Variants in DENND11 observed in about 807,000 individuals in gnomAD.
The protein encoded by DENND11 is DENN domain-containing protein 11.
A neutral mutation model predicts 49.2 loss-of-function variants in DENND11; 34 were observed. The ratio of observed to expected loss-of-function variants is 0.69; its 90% CI spans 0.53 to 0.92. The LOEUF is 0.92. Among genes scored for constraint, DENND11 ranks in the 40% least tolerant of loss-of-function variants. DENND11 has a pLI of 0.00. For missense variants in DENND11, 475 were observed against 581.6 expected, an observed-to-expected ratio of 0.82 and a Z score of 1.88; for synonymous variants, 238 against 230.3, an observed-to-expected ratio of 1.03 and a Z score of -0.30.
intron 3 of DENND11, among the ~76,000 whole-genome samples, chr7:141,674,735 C>G (rs1368477037): frequency 6.6e-6 from 1 of 152,152 alleles, no homozygotes; most frequent in East Asian, 1.9e-4. Flanking sequence ...TGGATGTCAT[C>G]AGGGCTCATA....
rs567877646 is a variant in DENND11, at chr7:141,672,944, G to A, written c.681+1123C>T. ...TACTTATTAGGATTCAAGCTCCAGGGTCTACTATTTAAAGCTCTCTACAAT... is the reference window on the plus strand; with the variant it reads ...TACTTATTAGGATTCAAGCTCCAGGATCTACTATTTAAAGCTCTCTACAAT... On this transcript the variant is annotated intron_variant, in intron 4 of 8. Transcript: ENST00000536163. 1.4e-3 allele frequency among the ~76,000 whole-genome samples: 218 copies of A among 152,216 alleles called. 1 individual carries two copies. Among genetic ancestry groups the A allele is most frequent in the African/African-American group, 5.0e-3 (206 of 41,518 alleles).
At chr7:141,666,202 T>A in intron 5 of DENND11, 85 bp downstream of exon 5, 1 of 1,444,712 alleles carries the variant, frequency 6.9e-7, no homozygotes, top group Non-Finnish European at 9.3e-7. Context: ...CCCAAGCTCT[T>A]CCAAACTTGG....
chr7:141,684,409 C>T (rs967766952), intron 3 of DENND11, among the ~76,000 whole-genome samples: 1 of 152,134 alleles, frequency 6.6e-6, no homozygotes, highest in African/African-American at 2.4e-5. Context: ...ATTTCATTAA[C>T]ACAGCCTGCT....
At chr7:141,698,648 C>T (rs73171620) in intron 1 of DENND11, among the ~76,000 whole-genome samples, 12,119 of 152,198 alleles carry the variant, frequency 0.08, 636 homozygotes, top group South Asian at 0.27. Context: ...CCTAGCTTTC[C>T]AAAACTTGTA....
In DENND11 at chr7:141,659,813, GTCA is replaced by G. The variant is rs1292743409; in HGVS notation, c.*2840_*2842del. ...CCAACCCTCCTCCAGGAGGCCGGTG[GTCA>G]TCATAATGCCCGCCCCTAAAGAGCT... is the stretch of plus-strand genomic sequence containing the variant. On this transcript the variant is annotated 3_prime_UTR_variant, in exon 9 of 9. Transcript: ENST00000536163. 2 of 152,252 alleles carry G rather than the reference GTCA, an allele frequency of 1.3e-5. No homozygotes were observed. The highest frequency in any genetic ancestry group is 2.9e-5 in the Non-Finnish European group (2 of 68,070). The allele number at this position is 152,252 out of a possible 1,614,324, so 9.4% of individuals were successfully genotyped here.
chr7:141,682,274 G>A (rs1798159268), intron 3 of DENND11, among the ~76,000 whole-genome samples: 1 of 152,166 alleles, frequency 6.6e-6, no homozygotes, highest in Non-Finnish European at 1.5e-5. Context: ...CTCTACAAGG[G>A]GGAAGAAGAG....
Position 141,701,898 on chromosome 7 carries a change from C to T in DENND11, c.256G>A (p.Asp86Asn). The change falls in exon 1 of 9, where the codon GAC (aspartate) becomes AAC (asparagine). Residue 86 changes from aspartate to asparagine, a missense_variant. Physicochemically the swap from Asp to Asn is conservative, Grantham distance 23 (BLOSUM62 1). Coordinates refer to ENST00000536163, the MANE Select transcript of DENND11 (RefSeq NM_001080392.2). The part of the protein sequence containing the change: ...QVVAVFVVTF[D>N]PRSGNMVEWC... Reference sequence around the variant, plus strand: ...GCGCGGCCCTCACCCGAGCGGGGGTCGAAGGTGACCACGAACACGGCCACC... The same window carrying T: ...GCGCGGCCCTCACCCGAGCGGGGGTTGAAGGTGACCACGAACACGGCCACC... 3 of 1,210,124 alleles carry T rather than the reference C, an allele frequency of 2.5e-6. No homozygotes were observed. The highest frequency in any genetic ancestry group is 3.1e-6 in the Non-Finnish European group (3 of 974,408). The allele number at this position is 1,210,124 out of a possible 1,614,324, so 75.0% of individuals were successfully genotyped here.
chr7:141,685,762 C>T lies in DENND11; in HGVS notation c.369-126G>A, dbSNP rs184935333. 34 of 1,022,858 alleles carry T rather than the reference C, an allele frequency of 3.3e-5. 1 individual carries two copies. The highest frequency in any genetic ancestry group is 2.3e-4 in the Middle Eastern group (1 of 4,384). The allele number at this position is 1,022,858 out of a possible 1,614,324, so 63.4% of individuals were successfully genotyped here. A position where few individuals can be genotyped will look rare whatever the true frequency, so the allele number is the denominator to read the frequency against. The stretch of plus-strand genomic sequence containing the variant: ...CAAAGCTCAGCCTCAAGAAAACAAG[C>T]GGGCCAAGCCACATGACCTCACTGA... On this transcript the variant is annotated intron_variant, in intron 2 of 8. Transcript: ENST00000536163.
chr7:141,663,819 G>A (rs1020824379), intron 8 of DENND11: 22 of 240,846 alleles, frequency 9.1e-5, no homozygotes, highest in African/African-American at 2.7e-4. Context: ...AATATTCAGC[G>A]CAAGGAACTA....
chr7:141,674,007 A>G (rs1010165078), intron 4 of DENND11, 60 bp downstream of exon 4: 1 of 1,542,362 alleles, frequency 6.5e-7, no homozygotes, highest in Non-Finnish European at 8.8e-7. Flanking sequence ...AAAGTAATCA[A>G]CAGCTACTAT....
intron 1 of DENND11, among the ~76,000 whole-genome samples, chr7:141,690,030 G>A (rs911772639): frequency 1.1e-4 from 17 of 152,150 alleles, no homozygotes; most frequent in African/African-American, 4.1e-4. Context: ...GACCTGGTTG[G>A]GCTGAACTAT....
At chr7:141,671,345 T>C (rs1797976353) in intron 4 of DENND11, among the ~76,000 whole-genome samples, 1 of 152,038 alleles carries the variant, frequency 6.6e-6, no homozygotes, top group Admixed American at 6.5e-5. Context: ...CCTAGCTAAT[T>C]TTTGTATTTT....
chr7:141,690,345 G>C (rs74951158), intron 1 of DENND11, among the ~76,000 whole-genome samples: 1 of 152,092 alleles, frequency 6.6e-6, no homozygotes, highest in African/African-American at 2.4e-5. Flanking sequence ...AGCCTGATCC[G>C]CGTTCCCACC....
At chr7:141,688,944 C>T (rs1204811646) in intron 1 of DENND11, among the ~76,000 whole-genome samples, 1 of 152,132 alleles carries the variant, frequency 6.6e-6, no homozygotes, top group Non-Finnish European at 1.5e-5. Flanking sequence ...CAATGACCCT[C>T]GATAGGCTCT....
chr7:141,692,608 C>T (rs978997617), intron 1 of DENND11, among the ~76,000 whole-genome samples: 2 of 152,070 alleles, frequency 1.3e-5, no homozygotes, highest in African/African-American at 4.8e-5. Context: ...CTACTTTACC[C>T]CTTTCACAAA....
At chr7:141,690,714 T>C (rs1176269172) in intron 1 of DENND11, among the ~76,000 whole-genome samples, 1 of 152,190 alleles carries the variant, frequency 6.6e-6, no homozygotes, top group Non-Finnish European at 1.5e-5. Context: ...TTCCCAAGCT[T>C]AGGTTAATAG....
intron 5 of DENND11, among the ~76,000 whole-genome samples, chr7:141,665,691 C>G (rs17162391): frequency 0.11 from 17,412 of 152,020 alleles, 1,386 homozygotes; most frequent in East Asian, 0.35. Context: ...ACTTCCTGTG[C>G]CTGGAACACC....
At chr7:141,689,119 T>C (rs1244860740) in intron 1 of DENND11, among the ~76,000 whole-genome samples, 1 of 152,240 alleles carries the variant, frequency 6.6e-6, no homozygotes, top group Non-Finnish European at 1.5e-5. Flanking sequence ...CCAAATGTTA[T>C]ATTGAAGTAT....
At position 141,657,716 on chromosome 7, in the gene DENND11, A is replaced by C. The variant is rs1157559469; in HGVS notation, c.*4940T>G. The stretch of plus-strand genomic sequence containing the variant: ...CTAAAAGCCCCACAGTATGCTAAAA[A>C]TCGAAAATAAATTCTAAAAAGAGGA... On this transcript the variant is annotated 3_prime_UTR_variant, in exon 9 of 9. Transcript: ENST00000536163. The C allele has an allele frequency of 6.6e-6, 1 of 152,542 alleles. No homozygotes were observed. Among genetic ancestry groups the C allele is most frequent in the Non-Finnish European group, 1.5e-5 (1 of 68,050 alleles). The allele number at this position is 152,542 out of a possible 1,614,324, so 9.4% of individuals were successfully genotyped here. A position where few individuals can be genotyped will look rare whatever the true frequency, so the allele number is the denominator to read the frequency against.
Sources: gnomAD v4.1 joint callset for allele counts (sites outside exome capture counted in the v4.1 genomes callset) on GRCh38, gnomAD v4.1.1 for gene constraint, MANE v1.5 for transcripts, NCBI Gene and HGNC (gene_info 2026-07-23, HGNC 2026-07-21) for gene names.